DPP10: variants seen among roughly 807,000 people sequenced by gnomAD.
The protein encoded by DPP10 is dipeptidyl peptidase like 10, also known as inactive dipeptidyl peptidase 10.
DPP10 carries 33 observed loss-of-function variants against 120.9 expected under a neutral mutation model. That is an observed-to-expected ratio of 0.27 (90% confidence interval 0.21 to 0.37). The LOEUF (loss-of-function observed/expected upper bound fraction) is 0.37, where lower values mean the gene tolerates loss of function less well. Among genes scored for constraint, DPP10 ranks in the 10% least tolerant of loss-of-function variants. DPP10 has a pLI of 1.00. For missense variants in DPP10, 816 were observed against 942.8 expected, an observed-to-expected ratio of 0.87 and a Z score of 1.76; for synonymous variants, 337 against 326.1, an observed-to-expected ratio of 1.03 and a Z score of -0.36.
At chr2:115,097,479 A>G (rs894148018) in intron 1 of DPP10, among the ~76,000 whole-genome samples, 9 of 152,196 alleles carry the variant, frequency 5.9e-5, no homozygotes, top group Non-Finnish European at 1.5e-5. Context: ...TTGGCTAGTT[A>G]ACAAACTATA....
intron 1 of DPP10, among the ~76,000 whole-genome samples, chr2:114,963,979 AAGG>A (rs1224235307): frequency 6.6e-6 from 1 of 152,168 alleles, no homozygotes; most frequent in African/African-American, 2.4e-5. Context: ...ATGGGGATAG[AAGG>A]AGTTCTTTAT....
chr2:114,734,623 G>T (rs770461657), intron 1 of DPP10, among the ~76,000 whole-genome samples: 1 of 152,124 alleles, frequency 6.6e-6, no homozygotes. Context: ...TGTGTCACAG[G>T]CCATGGTCAC....
At chr2:115,211,238 A>ATT (rs11457365) in intron 1 of DPP10, among the ~76,000 whole-genome samples, 200 of 145,556 alleles carry the variant, frequency 1.4e-3, no homozygotes, top group Middle Eastern at 7.2e-3. Flanking sequence ...GGTCTTACTG[A>ATT]TTTTTTTTTT....
At chr2:115,276,089 C>A (rs896548400) in intron 1 of DPP10, among the ~76,000 whole-genome samples, 1 of 152,078 alleles carries the variant, frequency 6.6e-6, no homozygotes, top group Non-Finnish European at 1.5e-5. Flanking sequence ...TTTCTTTTTC[C>A]GGATGGATAT....
At chr2:115,019,340 T>A (rs1702901914) in intron 1 of DPP10, among the ~76,000 whole-genome samples, 1 of 151,934 alleles carries the variant, frequency 6.6e-6, no homozygotes, top group Non-Finnish European at 1.5e-5. Context: ...AATCACAACT[T>A]CTGGAAATCA....
At chr2:114,840,049 C>T (rs1036563348) in intron 1 of DPP10, among the ~76,000 whole-genome samples, 1 of 152,110 alleles carries the variant, frequency 6.6e-6, no homozygotes, top group Non-Finnish European at 1.5e-5. Flanking sequence ...TAATATCTCT[C>T]CCCTCCACAA....
chr2:115,060,352 G>C (rs1202936675), intron 1 of DPP10, among the ~76,000 whole-genome samples: 1 of 152,070 alleles, frequency 6.6e-6, no homozygotes, highest in African/African-American at 2.4e-5. Context: ...TAGCAATTTG[G>C]GCGGCCGAGG....
chr2:115,012,726 C>A (rs1702354890), intron 1 of DPP10, among the ~76,000 whole-genome samples: 1 of 152,118 alleles, frequency 6.6e-6, no homozygotes, highest in Non-Finnish European at 1.5e-5. Context: ...AGAGAAGGAA[C>A]CAGAAAATCA....
At chr2:114,684,885 T>C (rs1699264630) in intron 1 of DPP10, among the ~76,000 whole-genome samples, 1 of 151,942 alleles carries the variant, frequency 6.6e-6, no homozygotes, top group Admixed American at 6.6e-5. Context: ...ATTGAGGAGA[T>C]GCTACCTAGG....
Position 114,816,112 on chromosome 2 carries a change from C to T in DPP10, c.60+373274C>T, listed in dbSNP as rs537426619. On this transcript the variant is annotated intron_variant, in intron 1 of 25. Coordinates refer to ENST00000410059, the MANE Select transcript of DPP10 (RefSeq NM_020868.6). ...TCTGCTTATTACAGTCTTGACCATG[C>T]ACACCAAGGGCACTGTCTCCAGCTG... is the stretch of plus-strand genomic sequence containing the variant. Among the ~76,000 whole-genome samples, 72 of 152,298 alleles carry T rather than the reference C, an allele frequency of 4.7e-4. 1 individual carries two copies. The highest frequency in any genetic ancestry group is 3.4e-3 in the Middle Eastern group (1 of 294).
chr2:114,670,736 A>G (rs1318018573), intron 1 of DPP10, among the ~76,000 whole-genome samples: 1 of 152,182 alleles, frequency 6.6e-6, no homozygotes, highest in Non-Finnish European at 1.5e-5. Context: ...GCCAACATAC[A>G]GATCATAAAG....
At chr2:114,826,915 G>A (rs1193452291) in intron 1 of DPP10, among the ~76,000 whole-genome samples, 1 of 152,186 alleles carries the variant, frequency 6.6e-6, no homozygotes, top group Admixed American at 6.5e-5. Context: ...TGATCTAATG[G>A]TAATGAACTG....
intron 5 of DPP10, among the ~76,000 whole-genome samples, chr2:115,558,682 A>G: frequency 6.6e-6 from 1 of 151,336 alleles, no homozygotes; most frequent in East Asian, 2.0e-4. Context: ...TTTTCATACT[A>G]AAAAAAAATT....
chr2:114,672,338 G>A (rs1698398383), intron 1 of DPP10, among the ~76,000 whole-genome samples: 1 of 152,134 alleles, frequency 6.6e-6, no homozygotes, highest in South Asian at 2.1e-4. Flanking sequence ...CTTTCTGCAA[G>A]TTATCCCTTT....
At chr2:115,065,318 G>GCTTAA (rs1393195430) in intron 1 of DPP10, among the ~76,000 whole-genome samples, 1 of 151,966 alleles carries the variant, frequency 6.6e-6, no homozygotes, top group Non-Finnish European at 1.5e-5. Flanking sequence ...AATGACCACT[G>GCTTAA]CTTAACATAA....
chr2:114,617,028 A>G (rs1693725922), intron 1 of DPP10, among the ~76,000 whole-genome samples: 1 of 152,164 alleles, frequency 6.6e-6, no homozygotes, highest in Admixed American at 6.6e-5. Context: ...GAAATTAAAT[A>G]CCACCAGTTA....
intron 1 of DPP10, among the ~76,000 whole-genome samples, chr2:114,991,601 A>G (rs1216396418): frequency 6.6e-6 from 1 of 152,246 alleles, no homozygotes; most frequent in Non-Finnish European, 1.5e-5. Context: ...TGTTATTAGC[A>G]AGCATTAGAA....
chr2:114,642,339 T>C (rs566365482), intron 1 of DPP10, among the ~76,000 whole-genome samples: 8 of 152,062 alleles, frequency 5.3e-5, no homozygotes, highest in Non-Finnish European at 7.4e-5. Context: ...CTTTCTTAAG[T>C]TCCTCAGATA....
rs750930572 is a variant in DPP10, at chr2:115,753,254, C to G, written c.1031C>G (p.Ser344Cys). 1.7e-5 allele frequency: 27 copies of G among 1,611,796 alleles called. No homozygotes were observed. In the South Asian group the frequency reaches 2.6e-4, roughly 16 times the overall value. The stretch of plus-strand genomic sequence containing the variant: ...TGGTTAAACCGAGCTCAGAACATCT[C>G]CATCCTCACAGTCTGTGAGACCACT... ...VRWLNRAQNI[S>C]ILTVCETTTG... The change falls in exon 11 of 26, where the codon TCC (serine) becomes TGC (cysteine). Residue 344 changes from serine to cysteine, a missense_variant. Transcript: ENST00000410059.
Sources: allele counts gnomAD v4.1 joint callset (sites outside exome capture counted in the v4.1 genomes callset), GRCh38; gene constraint gnomAD v4.1.1; transcripts MANE v1.5; gene names NCBI Gene and HGNC (gene_info 2026-07-23, HGNC 2026-07-21).